ENTREP2: variants seen among roughly 807,000 people sequenced by gnomAD.
The protein encoded by ENTREP2 is endosomal transmembrane epsin interactor 2.
chr15:29,464,905 A>C, the ENTREP2 span, among the ~76,000 whole-genome samples: 1 of 152,190 alleles, frequency 6.6e-6, no homozygotes, highest in Non-Finnish European at 1.5e-5. Flanking sequence ...AGATCATCTC[A>C]ACAGGCTGGA....
the ENTREP2 span, among the ~76,000 whole-genome samples, chr15:29,136,795 C>T: frequency 1.1e-4 from 17 of 152,056 alleles, no homozygotes; most frequent in African/African-American, 2.7e-4. Context: ...ATGACTGCAA[C>T]GTGACCGCAG....
chr15:29,348,849 G>T, the ENTREP2 span, among the ~76,000 whole-genome samples: 4 of 152,260 alleles, frequency 2.6e-5, no homozygotes, highest in East Asian at 7.7e-4. Context: ...TAAGTTAAGC[G>T]GTATAAATGA....
chr15:29,454,877 G>T, the ENTREP2 span, among the ~76,000 whole-genome samples: 1 of 152,332 alleles, frequency 6.6e-6, no homozygotes, highest in East Asian at 1.9e-4. Flanking sequence ...CTACATTTAA[G>T]GGTGATTTGC....
the ENTREP2 span, among the ~76,000 whole-genome samples, chr15:29,271,533 A>G: frequency 1.3e-5 from 2 of 152,256 alleles, no homozygotes; most frequent in South Asian, 2.1e-4. Context: ...CCCAGTAGTT[A>G]AAAATCAACT....
At chr15:29,390,479 G>A in the ENTREP2 span, among the ~76,000 whole-genome samples, 4 of 152,168 alleles carry the variant, frequency 2.6e-5, no homozygotes, top group African/African-American at 7.2e-5. Context: ...AGAGGAGGCC[G>A]AACCTTGCGA....
At chr15:29,177,552 G>A in the ENTREP2 span, among the ~76,000 whole-genome samples, 3 of 152,062 alleles carry the variant, frequency 2.0e-5, no homozygotes, top group Admixed American at 6.5e-5. Context: ...AGCCCACAAC[G>A]CAGCAAGCAC....
At chr15:29,414,826 G>A in the ENTREP2 span, among the ~76,000 whole-genome samples, 8 of 152,154 alleles carry the variant, frequency 5.3e-5, no homozygotes, top group East Asian at 3.9e-4. Context: ...TATCACCACC[G>A]ATCCCACAGA....
the ENTREP2 span, among the ~76,000 whole-genome samples, chr15:29,158,828 G>T: frequency 6.6e-6 from 1 of 152,030 alleles, no homozygotes; most frequent in South Asian, 2.1e-4. Flanking sequence ...AGGAAGTTAT[G>T]TATCTAATAA....
At chr15:29,334,420 AG>A in the ENTREP2 span, among the ~76,000 whole-genome samples, 1 of 83,830 alleles carries the variant, frequency 1.2e-5, no homozygotes, top group Admixed American at 1.3e-4. Context: ...CTTTCAAGGC[AG>A]TTAAGAATTT....
the ENTREP2 span, among the ~76,000 whole-genome samples, chr15:29,484,601 C>T: frequency 6.6e-6 from 1 of 152,110 alleles, no homozygotes; most frequent in Non-Finnish European, 1.5e-5. Flanking sequence ...TTCATATTTG[C>T]TTGTCTTTTA....
chr15:29,446,134 G>T, the ENTREP2 span, among the ~76,000 whole-genome samples: 2 of 152,210 alleles, frequency 1.3e-5, no homozygotes, highest in Admixed American at 1.3e-4. Context: ...TGATGCAGAA[G>T]GAAGCAGGCC....
chr15:29,483,864 T>C, the ENTREP2 span, among the ~76,000 whole-genome samples: 1 of 152,382 alleles, frequency 6.6e-6, no homozygotes, highest in South Asian at 2.1e-4. Context: ...TACAAAATGA[T>C]TGATTTTATT....
At chr15:29,523,432 A>C in the ENTREP2 span, among the ~76,000 whole-genome samples, 1 of 152,158 alleles carries the variant, frequency 6.6e-6, no homozygotes, top group African/African-American at 2.4e-5. Context: ...AGATCATTGA[A>C]ATGAATTGAA....
At chr15:29,659,684 TATAA>T in the ENTREP2 span, among the ~76,000 whole-genome samples, 23 of 152,288 alleles carry the variant, frequency 1.5e-4, no homozygotes, top group East Asian at 3.9e-4. Flanking sequence ...AACCATATAG[TATAA>T]ATAATTTTAT....
the ENTREP2 span, among the ~76,000 whole-genome samples, chr15:29,273,417 C>T: frequency 0.034 from 5,096 of 151,972 alleles, 301 homozygotes; most frequent in African/African-American, 0.12. Flanking sequence ...AGGCTGGTCT[C>T]GAACTCCTGA....
At chr15:29,188,580 G>T in the ENTREP2 span, among the ~76,000 whole-genome samples, 676 of 152,236 alleles carry the variant, frequency 4.4e-3, 1 homozygote, top group African/African-American at 0.016. Flanking sequence ...CCCTGCAAAG[G>T]ACATGAACTC....
chr15:29,147,095 A>G, the ENTREP2 span, among the ~76,000 whole-genome samples: 3 of 152,254 alleles, frequency 2.0e-5, no homozygotes, highest in Non-Finnish European at 4.4e-5. Context: ...TTGTGCATCA[A>G]GTGAAAAGAT....
At chr15:29,327,318 G>C in the ENTREP2 span, among the ~76,000 whole-genome samples, 2 of 152,088 alleles carry the variant, frequency 1.3e-5, no homozygotes, top group African/African-American at 4.8e-5. Flanking sequence ...GGCTGGGCGC[G>C]GTGGCTCAAG....
chr15:29,254,705 A>G, the ENTREP2 span, among the ~76,000 whole-genome samples: 1 of 152,212 alleles, frequency 6.6e-6, no homozygotes, highest in Non-Finnish European at 1.5e-5. Context: ...AAAAATATAA[A>G]AATTAGCCGG....
Sources: gnomAD v4.1 joint callset for allele counts (sites outside exome capture counted in the v4.1 genomes callset) on GRCh38, gnomAD v4.1.1 for gene constraint, MANE v1.5 for transcripts, NCBI Gene and HGNC (gene_info 2026-07-23, HGNC 2026-07-21) for gene names.